The following APLP2 variants were observed in gnomAD, a reference collection of about 807,000 sequenced individuals.
APLP2 encodes amyloid beta precursor like protein 2.
Under a neutral mutation model 89.9 loss-of-function variants are expected in APLP2, and 53 were observed. The ratio of observed to expected loss-of-function variants is 0.59; its 90% CI spans 0.47 to 0.74. APLP2 has a LOEUF of 0.74. Ranked by LOEUF, APLP2 falls within the 30% of genes least tolerant of loss-of-function variation. The pLI is 0.00. For synonymous variants in APLP2, 372 were observed against 348.6 expected, an observed-to-expected ratio of 1.07 and a Z score of -0.75; for missense variants, 973 against 975.9, an observed-to-expected ratio of 1.00 and a Z score of 0.04.
intron 3 of APLP2, among the ~76,000 whole-genome samples, chr11:130,112,841 C>T (rs925345577): frequency 6.6e-6 from 1 of 152,190 alleles, no homozygotes; most frequent in African/African-American, 2.4e-5. Context: ...GCTCAACTCT[C>T]CCCTGTTCTC....
chr11:130,069,908 C>T lies in APLP2; in HGVS notation c.-70C>T, dbSNP rs1940512315. The T allele has an allele frequency of 5.0e-6, 6 of 1,189,298 alleles. No homozygotes were observed. The highest frequency in any genetic ancestry group is 3.2e-5 in the African/African-American group (2 of 62,778). The allele number at this position is 1,189,298 out of a possible 1,614,324, so 73.7% of individuals were successfully genotyped here. A position where few individuals can be genotyped will look rare whatever the true frequency, so the allele number is the denominator to read the frequency against. On this transcript the variant is annotated 5_prime_UTR_variant, in exon 1 of 17. Transcript: ENST00000338167. ...GAACTGGCTTTAGATGCTTCTGGGT[C>T]GCGGTGTGCTAAGCGAGGAGTCCGA...
At chr11:130,132,619 T>TTAA (rs1555144886) in intron 11 of APLP2, among the ~76,000 whole-genome samples, 16 of 137,628 alleles carry the variant, frequency 1.2e-4, no homozygotes, top group African/African-American at 3.8e-4. Flanking sequence ...TTTTTTTTTT[T>TTAA]AAATAATGAA....
Position 130,141,237 on chromosome 11 carries a change from A to G in APLP2, c.1924-261A>G. On this transcript the variant is annotated intron_variant, in intron 14 of 16. Coordinates refer to ENST00000338167, the MANE Select transcript of APLP2 (RefSeq NM_001142276.2). The surrounding 1 kb of genome is among the most constrained non-coding windows in gnomAD (Gnocchi z 4.2). ...GGGCTTTTTGGCAGTCTGTTCTGAG[A>G]TACGTCTCCACAACGGTTACTTGAA... 2.2e-6 allele frequency: 1 copy of G among 461,930 alleles called. No homozygotes were observed. The allele number at this position is 461,930 out of a possible 1,614,324, so 28.6% of individuals were successfully genotyped here. A position where few individuals can be genotyped will look rare whatever the true frequency, so the allele number is the denominator to read the frequency against.
chr11:130,086,256 T>C (rs1232326781), intron 1 of APLP2, among the ~76,000 whole-genome samples: 5 of 152,230 alleles, frequency 3.3e-5, no homozygotes, highest in East Asian at 1.9e-4. Flanking sequence ...CGGTGTCTTA[T>C]TGTTTTGATT....
intron 3 of APLP2, among the ~76,000 whole-genome samples, chr11:130,111,907 T>C (rs886535245): frequency 6.6e-6 from 1 of 152,222 alleles, no homozygotes; most frequent in African/African-American, 2.4e-5. Flanking sequence ...TTGAAATCGT[T>C]CCTTCTGCAT....
chr11:130,099,299 T>A lies in APLP2; in HGVS notation c.106-10130T>A, dbSNP rs532678452. Among the ~76,000 whole-genome samples, 11 of 152,344 alleles carry A rather than the reference T, an allele frequency of 7.2e-5. No homozygotes were observed. The South Asian group carries it at 2.3e-3, about 32-fold the overall frequency. On this transcript the variant is annotated intron_variant, in intron 1 of 16. Coordinates refer to ENST00000338167, the MANE Select transcript of APLP2 (RefSeq NM_001142276.2). The stretch of plus-strand genomic sequence containing the variant: ...TAGGAAAATAGAGTTCCATCTGTTA[T>A]AGTGTGAAAAAAAGTTAATATTGTA...
Position 130,141,341 on chromosome 11 carries a change from G to T in APLP2, c.1924-157G>T. On this transcript the variant is annotated intron_variant, in intron 14 of 16. Coordinates refer to ENST00000338167, the MANE Select transcript of APLP2 (RefSeq NM_001142276.2). This position sits in a 1 kb window ranked among gnomAD's most constrained non-coding sequence, Gnocchi z 4.2. ...CCCTTCATTAGGGGTTTGGGGAGTG[G>T]ATTTGGAAGGCTGTGACAGAACTGG... 1 of 633,742 alleles carries T rather than the reference G, an allele frequency of 1.6e-6. No homozygotes were observed. Among genetic ancestry groups the T allele is most frequent in the Non-Finnish European group, 2.8e-6 (1 of 351,942 alleles). 39.3% of individuals were successfully genotyped at this position (633,742 alleles called of 1,614,324 possible).
chr11:130,085,576 T>C (rs1017170412), intron 1 of APLP2, among the ~76,000 whole-genome samples: 6 of 152,228 alleles, frequency 3.9e-5, no homozygotes, highest in African/African-American at 1.2e-4. Context: ...ATCCTTCTCA[T>C]AGTCTTCCAA....
chr11:130,121,939 T>G, intron 5 of APLP2, 129 bp downstream of exon 5: 1 of 1,394,454 alleles, frequency 7.2e-7, no homozygotes, highest in Non-Finnish European at 9.6e-7. Flanking sequence ...TAGAGTTGAT[T>G]AAGCTTGCAT....
At chr11:130,120,259 A>G (rs1031917922) in intron 3 of APLP2, among the ~76,000 whole-genome samples, 3 of 152,162 alleles carry the variant, frequency 2.0e-5, no homozygotes, top group Admixed American at 6.5e-5. Flanking sequence ...ACTGGATTCA[A>G]TTATTACATC....
At chr11:130,090,952 C>A in intron 1 of APLP2, among the ~76,000 whole-genome samples, 1 of 149,712 alleles carries the variant, frequency 6.7e-6, no homozygotes, top group Non-Finnish European at 1.5e-5. Context: ...GGCCGACACC[C>A]CCACCTCCCT....
intron 1 of APLP2, among the ~76,000 whole-genome samples, chr11:130,083,039 T>C (rs1244047362): frequency 7.3e-6 from 1 of 136,084 alleles, no homozygotes; most frequent in Non-Finnish European, 1.6e-5. Context: ...TTTTTTTTTT[T>C]TTTTTTTTTT....
chr11:130,121,840 G>T lies in APLP2; in HGVS notation c.713+30G>T, dbSNP rs771665731. On this transcript the variant is annotated intron_variant, in intron 5 of 16. Coordinates refer to ENST00000338167, the MANE Select transcript of APLP2 (RefSeq NM_001142276.2). ...CTCTTCTACTTTGAACTGTGAAGTCGTTTTGCCTTTTTGTTAGCCCTTCTG... is the reference window on the plus strand; with the variant it reads ...CTCTTCTACTTTGAACTGTGAAGTCTTTTTGCCTTTTTGTTAGCCCTTCTG... The T allele has an allele frequency of 8.1e-6, 13 of 1,596,336 alleles. No individual in the cohort carries two copies. The East Asian group carries it at 1.1e-4, about 14-fold the overall frequency.
Position 130,110,521 on chromosome 11 carries a change from G to A in APLP2, c.280-17G>A, listed in dbSNP as rs1197805234. 1 of 1,611,842 alleles carries A rather than the reference G, an allele frequency of 6.2e-7. No homozygotes were observed. The highest frequency in any genetic ancestry group is 1.7e-5 in the Admixed American group (1 of 59,276). On this transcript the variant is annotated splice_polypyrimidine_tract_variant and intron_variant, in intron 2 of 16. Transcript: ENST00000338167. ...CTGCAGATTGATTTATTGTGTGTGTGTTTGTTTTCTTAACAGATGTATCCA... is the reference window on the plus strand; with the variant it reads ...CTGCAGATTGATTTATTGTGTGTGTATTTGTTTTCTTAACAGATGTATCCA...
chr11:130,127,913 C>A, intron 9 of APLP2, 73 bp downstream of exon 9: 2 of 1,330,802 alleles, frequency 1.5e-6, no homozygotes, highest in Non-Finnish European at 2.1e-6. Context: ...CCATTCCCAA[C>A]GAAATTAGGA....
chr11:130,136,091 A>T (rs1030412720), intron 13 of APLP2, among the ~76,000 whole-genome samples: 1 of 152,054 alleles, frequency 6.6e-6, no homozygotes, highest in African/African-American at 2.4e-5. Flanking sequence ...GAGGCTGAGG[A>T]GGTGACAGGG....
At position 130,135,595 on chromosome 11, in the gene APLP2, G is replaced by A. The variant is rs778440952; in HGVS notation, c.1717G>A (p.Asp573Asn). 2.5e-6 allele frequency: 4 copies of A among 1,614,038 alleles called. No homozygotes were observed. Among genetic ancestry groups the A allele is most frequent in the Non-Finnish European group, 3.4e-6 (4 of 1,180,022 alleles). ...CCTTCAGGAGCAGCGTGCAGATATG[G>A]ACCAGTTCACTGCCTCAATCTCAGA... The part of the protein sequence containing the change: ...ELLQEQRADM[D>N]QFTASISETP... Residue 573 changes from aspartate (D) to asparagine (N), a missense_variant, in exon 13 of 17, where the codon GAC (aspartate) becomes AAC (asparagine). Coordinates refer to ENST00000338167, the MANE Select transcript of APLP2 (RefSeq NM_001142276.2).
At chr11:130,086,321 A>G (rs1012387389) in intron 1 of APLP2, among the ~76,000 whole-genome samples, 4 of 152,202 alleles carry the variant, frequency 2.6e-5, no homozygotes, top group Non-Finnish European at 5.9e-5. Flanking sequence ...GACCATTTTT[A>G]TATCTTTGGA....
intron 3 of APLP2, among the ~76,000 whole-genome samples, chr11:130,116,355 T>C (rs887371729): frequency 3.3e-5 from 5 of 152,230 alleles, no homozygotes; most frequent in African/African-American, 1.2e-4. Flanking sequence ...TATTCTGTTG[T>C]ATATATGTAT....
Sources: gnomAD v4.1 joint callset for allele counts (sites outside exome capture counted in the v4.1 genomes callset) on GRCh38, gnomAD v4.1.1 for gene constraint, Gnocchi (gnomAD v3.1) non-coding constraint, MANE v1.5 for transcripts, NCBI Gene and HGNC (gene_info 2026-07-23, HGNC 2026-07-21) for gene names.